Variants in EMSY observed in about 807,000 individuals in gnomAD.
EMSY encodes the protein EMSY transcriptional repressor, BRCA2 interacting.
A neutral mutation model predicts 134.6 loss-of-function variants in EMSY; 26 were observed. That is an observed-to-expected ratio of 0.19 (90% CI 0.14 to 0.27). The LOEUF is 0.27. EMSY is among the 10% of genes least tolerant of loss of function. EMSY has a pLI of 1.00. For synonymous variants in EMSY, 579 were observed against 577.8 expected (o/e 1.00, Z -0.03); for missense variants, 1,305 against 1,611.4 (o/e 0.81, Z 3.26).
chr11:76,446,852 T>C (rs1348429943), intron 1 of EMSY, 48 bp from the exon 2 acceptor site: 7 of 1,293,374 alleles, frequency 5.4e-6, no homozygotes, highest in Non-Finnish European at 7.7e-6. Context: ...GCCCCTTGAA[T>C]GTACTTTGGT....
intron 7 of EMSY, among the ~76,000 whole-genome samples, chr11:76,469,362 T>A (rs1219052476): frequency 6.6e-6 from 1 of 152,218 alleles, no homozygotes; most frequent in African/African-American, 2.4e-5. Flanking sequence ...AGTTCAGAAC[T>A]GGCAAAAGTG....
At chr11:76,550,314 G>A in exon 21 of EMSY, 2 of 443,468 alleles carry the variant, frequency 4.5e-6, no homozygotes, top group Non-Finnish European at 7.5e-6. Flanking sequence ...TTTAAAACAA[G>A]ATAAAACTCA....
exon 3 of EMSY, chr11:76,451,882 T>G (rs1157534580): frequency 6.3e-7 from 1 of 1,592,218 alleles, no homozygotes; most frequent in Non-Finnish European, 8.5e-7. Flanking sequence ...GCTGGAGTTA[T>G]CAGTGCACTT....
chr11:76,516,168 A>G, exon 11 of EMSY: 1 of 1,613,920 alleles, frequency 6.2e-7, no homozygotes. Flanking sequence ...TACCCGGCCA[A>G]CAGTGAGCCC....
chr11:76,453,328 G>A (rs2134870197), exon 4 of EMSY: 2 of 1,612,688 alleles, frequency 1.2e-6, no homozygotes, highest in Non-Finnish European at 1.7e-6. Context: ...TCAACAGAAC[G>A]CCACCGTGCT....
At chr11:76,498,579 C>T (rs1184468662) in intron 9 of EMSY, among the ~76,000 whole-genome samples, 2 of 151,850 alleles carry the variant, frequency 1.3e-5, no homozygotes, top group African/African-American at 2.4e-5. Flanking sequence ...CATTATGTAG[C>T]GTTCCTTTTT....
chr11:76,545,702 C>A, intron 19 of EMSY, 95 bp from the exon 21 acceptor site: 7 of 1,388,664 alleles, frequency 5.0e-6, no homozygotes, highest in Non-Finnish European at 6.9e-6. Context: ...TAGTATAGCG[C>A]ACGAATGTTT....
At chr11:76,469,624 G>A (rs7105179) in intron 7 of EMSY, among the ~76,000 whole-genome samples, 149,858 of 152,336 alleles carry the variant, frequency 0.98, 73,720 homozygotes, top group East Asian at 1. Flanking sequence ...ACAACCTGCT[G>A]TGTGCCTAGC....
At chr11:76,531,886 G>A (rs1010556664) in intron 14 of EMSY, among the ~76,000 whole-genome samples, 3 of 152,126 alleles carry the variant, frequency 2.0e-5, no homozygotes, top group Admixed American at 6.5e-5. Flanking sequence ...TATGCCAAGA[G>A]AATGCCTTGA....
At chr11:76,546,339 G>A (rs745674196) in intron 20 of EMSY, 42 bp downstream of exon 21, 3 of 1,564,092 alleles carry the variant, frequency 1.9e-6, no homozygotes, top group Non-Finnish European at 1.7e-6. Flanking sequence ...TGCATCTTGG[G>A]GGTTGTGGGT....
At chr11:76,475,536 TTTCTC>T (rs1156327586) in intron 8 of EMSY, among the ~76,000 whole-genome samples, 1 of 152,228 alleles carries the variant, frequency 6.6e-6, no homozygotes, top group Non-Finnish European at 1.5e-5. Context: ...ATCTCAGAGA[TTTCTC>T]TTAAAGTCAC....
chr11:76,448,675 T>C (rs1283429718), intron 2 of EMSY, among the ~76,000 whole-genome samples: 2 of 151,986 alleles, frequency 1.3e-5, no homozygotes, highest in African/African-American at 4.8e-5. Context: ...CCCCTCATAT[T>C]GGGAGGTGAG....
intron 2 of EMSY, among the ~76,000 whole-genome samples, chr11:76,448,237 G>A (rs1947503006): frequency 6.6e-6 from 1 of 152,052 alleles, no homozygotes; most frequent in Admixed American, 6.5e-5. Context: ...TCCACCCAAG[G>A]CCACTATGAG....
At chr11:76,481,435 C>T (rs1948976278) in intron 8 of EMSY, among the ~76,000 whole-genome samples, 1 of 152,150 alleles carries the variant, frequency 6.6e-6, no homozygotes, top group Admixed American at 6.5e-5. Context: ...AGCCAGGGAG[C>T]CAGGTGGTCT....
chr11:76,478,540 A>C (rs897352417), intron 8 of EMSY, among the ~76,000 whole-genome samples: 7 of 151,608 alleles, frequency 4.6e-5, no homozygotes, highest in Admixed American at 3.9e-4. Context: ...AAGGGGTTTC[A>C]CCATCTTGGT....
chr11:76,540,733 TA>T (rs57305512), intron 17 of EMSY, among the ~76,000 whole-genome samples: 20,623 of 152,218 alleles, frequency 0.14, 1,767 homozygotes, highest in East Asian at 0.28. Flanking sequence ...ATGACTTTTC[TA>T]AACAGGAAGT....
intron 7 of EMSY, among the ~76,000 whole-genome samples, chr11:76,472,065 G>A (rs1381979533): frequency 8.1e-6 from 1 of 122,766 alleles, no homozygotes; most frequent in African/African-American, 2.9e-5. Context: ...ATACTTTTTT[G>A]TCTCTTCCAT....
chr11:76,533,283 G>A (rs578222610), intron 14 of EMSY, among the ~76,000 whole-genome samples: 1 of 152,200 alleles, frequency 6.6e-6, no homozygotes, highest in South Asian at 2.1e-4. Flanking sequence ...TTGGGTTGGT[G>A]GGGACATAGG....
At chr11:76,523,700 C>CTTTTTTTTTTTTTTT (rs1491439676) in intron 12 of EMSY, among the ~76,000 whole-genome samples, 1 of 63,748 alleles carries the variant, frequency 1.6e-5, no homozygotes, top group African/African-American at 7.2e-5. Context: ...GGATTTGTTA[C>CTTTTTTTTTTTTTTT]TTTCTTTTTT....
Sources: gnomAD v4.1 joint callset for allele counts (sites outside exome capture counted in the v4.1 genomes callset) on GRCh38, gnomAD v4.1.1 for gene constraint, MANE v1.5 for transcripts, NCBI Gene and HGNC (gene_info 2026-07-23, HGNC 2026-07-21) for gene names.